Variants in PKIB observed in about 807,000 individuals in gnomAD.
PKIB encodes the protein PKI-beta.
A neutral mutation model predicts 4.5 loss-of-function variants in PKIB; 2 were observed. That is an observed-to-expected ratio of 0.44 (90% CI 0.18 to 1.39). The LOEUF (loss-of-function observed/expected upper bound fraction) is 1.39, where lower values mean the gene tolerates loss of function less well. Among genes scored for constraint, PKIB ranks in the 40% most tolerant of loss-of-function variants. PKIB has a pLI of 0.27. For synonymous variants in PKIB, 38 were observed against 36.0 expected, an observed-to-expected ratio of 1.06 and a Z score of -0.20; for missense variants, 94 against 92.6, an observed-to-expected ratio of 1.02 and a Z score of -0.06.
intron 1 of PKIB, among the ~76,000 whole-genome samples, chr6:122,619,385 G>A (rs1775126916): frequency 6.6e-6 from 1 of 151,702 alleles, no homozygotes; most frequent in African/African-American, 2.4e-5. Flanking sequence ...AAATAAAGTG[G>A]GGATCTTACC....
intron 2 of PKIB, among the ~76,000 whole-genome samples, chr6:122,533,144 CTTTTTATTTATTTATTTATT>C (rs1777306904): frequency 2.0e-5 from 3 of 147,258 alleles, no homozygotes; most frequent in South Asian, 2.2e-4. Context: ...ATGCACAAAA[CTTTTTATTTATTTATTTATT>C]TATTTATTTA....
chr6:122,695,919 G>T (rs1238629457), intron 3 of PKIB, among the ~76,000 whole-genome samples: 1 of 151,938 alleles, frequency 6.6e-6, no homozygotes, highest in East Asian at 1.9e-4. Flanking sequence ...TGCATATAAA[G>T]CCATGTACAA....
chr6:122,479,947 A>G (rs183982713), intron 2 of PKIB: 1 of 152,350 alleles, frequency 6.6e-6, no homozygotes, highest in East Asian at 1.9e-4. Flanking sequence ...AGAAAAAATA[A>G]TAGAAAGTTA....
intron 2 of PKIB, among the ~76,000 whole-genome samples, chr6:122,495,994 T>C (rs1347132276): frequency 1.3e-5 from 2 of 152,174 alleles, no homozygotes; most frequent in Non-Finnish European, 2.9e-5. Flanking sequence ...TCTGTATTCA[T>C]AGGCAAGCTT....
rs530333963 is a variant in PKIB at position 122,701,576 on chromosome 6, T to C, written c.-8-16211T>C. 12 of 1,522,718 alleles carry C rather than the reference T, an allele frequency of 7.9e-6. No individual in the cohort carries two copies. In the East Asian group the frequency reaches 2.6e-4, roughly 34 times the overall value. The allele number at this position is 1,522,718 out of a possible 1,614,324, so 94.3% of individuals were successfully genotyped here. A position where few individuals can be genotyped will look rare whatever the true frequency, so the allele number is the denominator to read the frequency against. ...AAAGAGATGGCATAACAGTGCCACA[T>C]AGGCCATAGCTCAAGCCCATCAGCA... On this transcript the variant is annotated intron_variant, in intron 3 of 4. Coordinates refer to ENST00000368452, the MANE Select transcript of PKIB (RefSeq NM_181795.3).
At chr6:122,592,514 G>A (rs1454182176) in intron 3 of PKIB, among the ~76,000 whole-genome samples, 1 of 152,156 alleles carries the variant, frequency 6.6e-6, no homozygotes, top group Non-Finnish European at 1.5e-5. Context: ...TCAGTCAAGA[G>A]ATCAGGAACA....
intron 2 of PKIB, among the ~76,000 whole-genome samples, chr6:122,652,358 G>T (rs1450263215): frequency 2.0e-5 from 3 of 151,046 alleles, no homozygotes; most frequent in East Asian, 3.9e-4. Flanking sequence ...TTATTGAAAA[G>T]AATTGATTTA....
At chr6:122,503,662 G>A (rs887126296) in intron 2 of PKIB, among the ~76,000 whole-genome samples, 1 of 152,060 alleles carries the variant, frequency 6.6e-6, no homozygotes, top group African/African-American at 2.4e-5. Flanking sequence ...AGTTTATTTT[G>A]GGGTATTACA....
intron 2 of PKIB, among the ~76,000 whole-genome samples, chr6:122,571,063 G>A (rs755161543): frequency 2.5e-4 from 38 of 151,932 alleles, no homozygotes; most frequent in South Asian, 4.2e-4. Context: ...AAAACAATCA[G>A]AACTTCTGGA....
At chr6:122,512,827 G>A (rs1369166935) in intron 2 of PKIB, among the ~76,000 whole-genome samples, 1 of 152,138 alleles carries the variant, frequency 6.6e-6, no homozygotes, top group Non-Finnish European at 1.5e-5. Context: ...TTGCCCAAGA[G>A]GGCAAGTCAA....
chr6:122,621,286 G>C (rs1219635973), intron 1 of PKIB, among the ~76,000 whole-genome samples: 2 of 152,106 alleles, frequency 1.3e-5, no homozygotes, highest in African/African-American at 4.8e-5. Context: ...ATTTTGCCTA[G>C]GAGTACCGTT....
At chr6:122,568,164 G>A (rs941212753) in intron 2 of PKIB, among the ~76,000 whole-genome samples, 1 of 151,834 alleles carries the variant, frequency 6.6e-6, no homozygotes, top group African/African-American at 2.4e-5. Flanking sequence ...AGTTTCAAAG[G>A]TAATATGATG....
chr6:122,711,098 T>C (rs997417927), intron 3 of PKIB, among the ~76,000 whole-genome samples: 2 of 151,732 alleles, frequency 1.3e-5, no homozygotes, highest in African/African-American at 4.8e-5. Context: ...GAAGTGAAAA[T>C]ATCACTGTAT....
intron 3 of PKIB, among the ~76,000 whole-genome samples, chr6:122,603,622 AG>A (rs1774441614): frequency 6.6e-6 from 1 of 152,084 alleles, no homozygotes; most frequent in Admixed American, 6.5e-5. Context: ...CTGCAATTAT[AG>A]GTATGTGCTA....
intron 2 of PKIB, among the ~76,000 whole-genome samples, chr6:122,647,338 CA>C (rs1458194111): frequency 1.3e-5 from 2 of 152,206 alleles, no homozygotes; most frequent in African/African-American, 2.4e-5. Context: ...TTCCTTCACA[CA>C]AACACCTAGG....
chr6:122,497,568 T>TA (rs1776111807), intron 2 of PKIB, among the ~76,000 whole-genome samples: 3 of 152,158 alleles, frequency 2.0e-5, no homozygotes, highest in Non-Finnish European at 2.9e-5. Context: ...CAGGGGTCAT[T>TA]ATTCTTAGAC....
chr6:122,576,451 G>A (rs1773532476), intron 2 of PKIB, among the ~76,000 whole-genome samples: 1 of 151,818 alleles, frequency 6.6e-6, no homozygotes. Context: ...GGCGGATCAC[G>A]AGGTCAGGAG....
intron 3 of PKIB, among the ~76,000 whole-genome samples, chr6:122,593,467 A>G (rs1774075916): frequency 6.6e-6 from 1 of 152,314 alleles, no homozygotes; most frequent in African/African-American, 2.4e-5. Context: ...ATAGAACTGA[A>G]AAATATTTTT....
intron 2 of PKIB, among the ~76,000 whole-genome samples, chr6:122,636,914 G>T (rs1220375015): frequency 6.6e-6 from 1 of 152,132 alleles, no homozygotes; most frequent in Non-Finnish European, 1.5e-5. Flanking sequence ...CAAAGCACAT[G>T]TAAAAGTAAT....
Sources: allele counts gnomAD v4.1 joint callset (sites outside exome capture counted in the v4.1 genomes callset), GRCh38; gene constraint gnomAD v4.1.1; transcripts MANE v1.5; gene names NCBI Gene and HGNC (gene_info 2026-07-23, HGNC 2026-07-21).